Variants in MSH3 observed in about 807,000 individuals in gnomAD.
MSH3 encodes the protein DNA mismatch repair protein Msh3.
MSH3 carries 106 observed loss-of-function variants against 123.3 expected under a neutral mutation model. The ratio of observed to expected loss-of-function variants is 0.86; its 90% confidence interval spans 0.73 to 1.01. MSH3 has a LOEUF of 1.01. MSH3 is among the 50% of genes least tolerant of loss of function. The pLI, the probability that MSH3 is intolerant of heterozygous loss-of-function variation, is 0.00. For missense variants in MSH3, 1,459 were observed against 1,347.6 expected (o/e 1.08, Z -1.29); for synonymous variants, 515 against 481.4 (o/e 1.07, Z -0.91).
chr5:80,822,495 G>C (rs1299033526), intron 20 of MSH3, among the ~76,000 whole-genome samples: 1 of 152,116 alleles, frequency 6.6e-6, no homozygotes, highest in Admixed American at 6.5e-5. Flanking sequence ...CTTCATATAT[G>C]TGTGAGTATA....
intron 15 of MSH3, among the ~76,000 whole-genome samples, chr5:80,775,087 A>G (rs545472915): frequency 1.8e-4 from 27 of 152,264 alleles, no homozygotes; most frequent in African/African-American, 5.8e-4. Context: ...TACAACTACC[A>G]TGTACCCACA....
At chr5:80,720,303 G>C (rs1751052839) in intron 8 of MSH3, among the ~76,000 whole-genome samples, 1 of 152,168 alleles carries the variant, frequency 6.6e-6, no homozygotes, top group Non-Finnish European at 1.5e-5. Context: ...ACAGTGTCAA[G>C]TGATTTTTCT....
intron 20 of MSH3, among the ~76,000 whole-genome samples, chr5:80,853,685 A>G (rs964087763): frequency 1.3e-5 from 2 of 152,184 alleles, no homozygotes; most frequent in African/African-American, 2.4e-5. Flanking sequence ...AACTTACTTT[A>G]TATGTAGTAC....
chr5:80,731,756 T>C (rs781344978), intron 10 of MSH3, among the ~76,000 whole-genome samples: 1 of 152,150 alleles, frequency 6.6e-6, no homozygotes, highest in Non-Finnish European at 1.5e-5. Flanking sequence ...TTTGCAAAAA[T>C]AATGTTGCTT....
chr5:80,658,535 C>A (rs1032823166), intron 2 of MSH3, among the ~76,000 whole-genome samples: 37 of 152,256 alleles, frequency 2.4e-4, no homozygotes, highest in African/African-American at 8.9e-4. Context: ...TTAAAAATGG[C>A]ACTAAGGAAG....
Position 80,728,649 on chromosome 5 carries a change from C to G in MSH3, c.1454-202C>G, listed in dbSNP as rs1040982765. Among the ~76,000 whole-genome samples, 24 of 151,732 alleles carry G rather than the reference C, an allele frequency of 1.6e-4. 1 individual carries two copies. Among genetic ancestry groups the G allele is most frequent in the South Asian group, 6.2e-4 (3 of 4,808 alleles). Reference sequence around the variant, plus strand: ...AGAAAAATGCCCTTTTTTTCCATGCCCTGGGTATTAGTAATGATTTACATT... The same window carrying G: ...AGAAAAATGCCCTTTTTTTCCATGCGCTGGGTATTAGTAATGATTTACATT... On this transcript the variant is annotated intron_variant, in intron 9 of 23. Transcript: ENST00000265081.
intron 12 of MSH3, among the ~76,000 whole-genome samples, chr5:80,750,741 G>A (rs749200199): frequency 1.3e-5 from 2 of 152,056 alleles, no homozygotes; most frequent in Non-Finnish European, 2.9e-5. Context: ...AATCCCATTC[G>A]TCTGTTCTTG....
intron 19 of MSH3, among the ~76,000 whole-genome samples, chr5:80,797,214 A>T (rs1398891409): frequency 6.6e-6 from 1 of 151,916 alleles, no homozygotes; most frequent in East Asian, 1.9e-4. Flanking sequence ...CTATTTCTCC[A>T]CATCTCAGTA....
intron 8 of MSH3, among the ~76,000 whole-genome samples, chr5:80,691,544 A>T (rs550644072): frequency 3.3e-5 from 5 of 150,004 alleles, no homozygotes; most frequent in East Asian, 3.9e-4. Flanking sequence ...TTTTTTTTTT[A>T]AATAACAATT....
intron 17 of MSH3, among the ~76,000 whole-genome samples, chr5:80,781,052 GA>G (rs1252559502): frequency 6.6e-6 from 1 of 152,176 alleles, no homozygotes; most frequent in African/African-American, 2.4e-5. Context: ...GTAAGACCAG[GA>G]AGAGATTCCA....
chr5:80,756,428 G>A (rs1183086141), intron 12 of MSH3, among the ~76,000 whole-genome samples: 1 of 152,084 alleles, frequency 6.6e-6, no homozygotes, highest in Non-Finnish European at 1.5e-5. Flanking sequence ...TCCTGACACT[G>A]TTCTTATGTG....
chr5:80,810,590 C>G (rs929448840), intron 19 of MSH3, among the ~76,000 whole-genome samples: 10 of 152,094 alleles, frequency 6.6e-5, no homozygotes, highest in Admixed American at 5.9e-4. Flanking sequence ...TCACCTTTGT[C>G]ATAAATCAAG....
At position 80,654,687 on chromosome 5, in the gene MSH3, C is replaced by G; in HGVS notation, c.-41C>G. On this transcript the variant is annotated 5_prime_UTR_variant, in exon 1 of 24. Transcript: ENST00000265081. Reference sequence around the variant, plus strand: ...GAACTGCGGCCGCGGGCTCGCGCTCCTCGCCAGGCCCTGCCGCCGGGCTGC... The same window carrying G: ...GAACTGCGGCCGCGGGCTCGCGCTCGTCGCCAGGCCCTGCCGCCGGGCTGC... The G allele has an allele frequency of 6.4e-7, 1 of 1,558,362 alleles. No homozygotes were observed. The highest frequency in any genetic ancestry group is 8.7e-7 in the Non-Finnish European group (1 of 1,152,380).
chr5:80,693,654 C>A (rs558363086), intron 8 of MSH3, among the ~76,000 whole-genome samples: 1 of 149,166 alleles, frequency 6.7e-6, no homozygotes, highest in African/African-American at 2.5e-5. Context: ...CACACAAACA[C>A]ATATATATAT....
At chr5:80,720,271 A>G (rs1751052314) in intron 8 of MSH3, among the ~76,000 whole-genome samples, 1 of 152,066 alleles carries the variant, frequency 6.6e-6, no homozygotes, top group African/African-American at 2.4e-5. Flanking sequence ...TTCCCCAGGT[A>G]TGTGATGTGT....
chr5:80,785,178 G>T (rs1744481802), intron 17 of MSH3, among the ~76,000 whole-genome samples: 1 of 152,146 alleles, frequency 6.6e-6, no homozygotes, highest in Admixed American at 6.5e-5. Flanking sequence ...CTACAATAGA[G>T]AAATGTTTTT....
chr5:80,662,048 A>G lies in MSH3; in HGVS notation c.359-3095A>G, dbSNP rs143101694. ...ATGTAAACACAGCCATATGCTACCT[A>G]ATGACAGTCAGTGAGGGACCACCTA... On this transcript the variant is annotated intron_variant, in intron 2 of 23. Transcript: ENST00000265081. Among the ~76,000 whole-genome samples, 92 of 152,330 alleles carry G rather than the reference A, an allele frequency of 6.0e-4. 1 individual carries two copies. Among genetic ancestry groups the G allele is most frequent in the African/African-American group, 2.1e-3 (87 of 41,556 alleles).
rs184457588 is a variant in MSH3 at position 80,700,648 on chromosome 5, A to G, written c.1340+21555A>G. 3.8e-3 allele frequency among the ~76,000 whole-genome samples: 586 copies of G among 152,286 alleles called. 4 individuals carry two copies. Among genetic ancestry groups the G allele is most frequent in the African/African-American group, 0.013 (547 of 41,558 alleles). On this transcript the variant is annotated intron_variant, in intron 8 of 23. Transcript: ENST00000265081. ...CTTAACTCATGAAAATCCAGATTTT[A>G]AAACATGATAAGTTAATAGGTGATA... is the stretch of plus-strand genomic sequence containing the variant.
At chr5:80,818,373 T>G (rs1247900186) in intron 20 of MSH3, among the ~76,000 whole-genome samples, 1 of 147,982 alleles carries the variant, frequency 6.8e-6, no homozygotes, top group African/African-American at 2.5e-5. Context: ...ACTGGTGTTT[T>G]TTTTTTTTTA....
Sources: allele counts gnomAD v4.1 joint callset (sites outside exome capture counted in the v4.1 genomes callset), GRCh38; gene constraint gnomAD v4.1.1; transcripts MANE v1.5; gene names NCBI Gene and HGNC (gene_info 2026-07-23, HGNC 2026-07-21).